Variants in FIBP observed in about 807,000 individuals in gnomAD.
FIBP encodes the protein acidic fibroblast growth factor intracellular-binding protein.
In FIBP, 29 loss-of-function variants were observed where a neutral mutation model predicts 40.5. The ratio of observed to expected loss-of-function variants is 0.72; its 90% CI spans 0.53 to 0.98. FIBP has a LOEUF of 0.98. Among genes scored for constraint, FIBP ranks in the 50% least tolerant of loss-of-function variants. The probability of loss-of-function intolerance (pLI) is 0.00; values close to 1 mark genes in which losing one functional copy is unlikely to be tolerated. For missense variants in FIBP, 411 were observed against 470.2 expected, an observed-to-expected ratio of 0.87 and a Z score of 1.16; for synonymous variants, 215 against 191.1, an observed-to-expected ratio of 1.13 and a Z score of -1.03.
chr11:65,886,545 T>G, intron 3 of FIBP, 123 bp from the exon 4 acceptor site: 1 of 679,234 alleles, frequency 1.5e-6, no homozygotes, highest in South Asian at 1.6e-5. Context: ...CAGATGCTGA[T>G]TTAGCATTTG....
At chr11:65,888,229 G>C in intron 1 of FIBP, 97 bp from the exon 2 acceptor site, 1 of 1,469,204 alleles carries the variant, frequency 6.8e-7, no homozygotes, top group African/African-American at 1.4e-5. Flanking sequence ...TTATTCCCAG[G>C]CGCTCGCCCA....
At chr11:65,885,345 T>G in intron 5 of FIBP, 159 bp from the exon 6 acceptor site, 1 of 900,124 alleles carries the variant, frequency 1.1e-6, no homozygotes, top group Non-Finnish European at 1.8e-6. Flanking sequence ...AGAGAGGCAA[T>G]GGGCCCTTTG....
At position 65,885,562 on chromosome 11, in the gene FIBP, A is replaced by G. The variant is rs770222272; in HGVS notation, c.614T>C (p.Leu205Pro). 5.0e-6 allele frequency: 8 copies of G among 1,614,174 alleles called. No homozygotes were observed. Among genetic ancestry groups the G allele is most frequent in the Non-Finnish European group, 6.8e-6 (8 of 1,180,022 alleles). The change falls in exon 5 of 10, where the codon CTC becomes CCC. Residue 205 changes from leucine to proline, a missense_variant. By Grantham distance (98) the Leu-to-Pro change is moderately conservative. Coordinates refer to ENST00000357519, the MANE Select transcript of FIBP (RefSeq NM_004214.5). ...SFGDFAFCAELMIQNWTLGAV... is the reference protein window; with the variant it reads ...SFGDFAFCAEPMIQNWTLGAV... ...TCCAAGGGTCCAGTTTTGGATCATG[A>G]GCTCAGCGCAGAAGGCAAAGTCACC...
At chr11:65,886,565 C>T (rs1860243718) in intron 3 of FIBP, 143 bp from the exon 4 acceptor site, 2 of 632,954 alleles carry the variant, frequency 3.2e-6, no homozygotes, top group Non-Finnish European at 5.8e-6. Context: ...GTTATTCCTT[C>T]AACCAACTAT....
At position 65,884,458 on chromosome 11, in the gene FIBP, G is replaced by A; in HGVS notation, c.938C>T (p.Pro313Leu). 1 of 1,614,176 alleles carries A rather than the reference G, an allele frequency of 6.2e-7. No homozygotes were observed. The highest frequency in any genetic ancestry group is 2.2e-5 in the East Asian group (1 of 44,888). ...CAGGAAGAACCGCACGTCGCTGAGT[G>A]GCCAGTGGTCGGAGCGGCAGGGTTC... Reference protein sequence around the residue: ...FVEPCRSDHWPLSDVRFFLNQ... With the variant: ...FVEPCRSDHWLLSDVRFFLNQ... The change falls in exon 9 of 10, where the codon CCA (proline) becomes CTA (leucine). Residue 313 changes from proline to leucine, a missense_variant. Physicochemically the swap from Pro to Leu is moderately conservative, Grantham distance 98 (BLOSUM62 -3). Coordinates refer to ENST00000357519, the MANE Select transcript of FIBP (RefSeq NM_004214.5).
Position 65,887,977 on chromosome 11 carries a change from T to C in FIBP, c.241A>G (p.Ile81Val), listed in dbSNP as rs1860285179. ...TGCCGGGAGGGCGGAATCTGGAAGA[T>C]GAGCTGGTGCAGTAGCTTGGGCGGC... Reference protein sequence around the residue: ...HAPPKLLHQLIFQIPPSRQAL... With the variant: ...HAPPKLLHQLVFQIPPSRQAL... Residue 81 changes from isoleucine (I) to valine (V), a missense_variant, in exon 2 of 10, where the codon ATC (isoleucine) becomes GTC (valine). Physicochemically the swap from Ile to Val is conservative, Grantham distance 29. Coordinates refer to ENST00000357519, the MANE Select transcript of FIBP (RefSeq NM_004214.5). 2 of 1,613,516 alleles carry C rather than the reference T, an allele frequency of 1.2e-6. No individual in the cohort carries two copies. Among genetic ancestry groups the C allele is most frequent in the Non-Finnish European group, 1.7e-6 (2 of 1,179,712 alleles).
In FIBP at chr11:65,887,666, GC is replaced by G; in HGVS notation, c.344del (p.Gly115AlafsTer34). On this transcript the variant is annotated frameshift_variant, in exon 3 of 10. Transcript: ENST00000357519. LOFTEE classifies it high-confidence loss of function. ...REVLGKKLSK[G>X]TKKDLDDIST... ...TGATGTCATCCAGGTCTTTCTTGGT[GC>G]CTTTGGACAGCTTCTTGCCCAGCAC... is the stretch of plus-strand genomic sequence containing the variant. The G allele has an allele frequency of 6.2e-7, 1 of 1,614,146 alleles. No homozygotes were observed. Among genetic ancestry groups the G allele is most frequent in the South Asian group, 1.1e-5 (1 of 91,078 alleles).
rs758927856 is a variant in FIBP at position 65,887,628 on chromosome 11, C to T, written c.383G>A (p.Gly128Asp). Residue 128 changes from glycine (G) to aspartate (D), a missense_variant, in exon 3 of 10, where the codon GGC becomes GAC. Transcript: ENST00000357519. ...TCTCCGGCAGCTCTTGAGGGTGATG[C>T]CTGTTTTGGTGCTGATGTCATCCAG... ...KDLDDISTKT[G>D]ITLKSCRRQF... 5.0e-6 allele frequency: 8 copies of T among 1,613,950 alleles called. No homozygotes were observed. The South Asian group carries it at 8.8e-5, about 18-fold the overall frequency.
Position 65,884,986 on chromosome 11 carries a change from A to G in FIBP, c.768T>C (p.Thr256=). The G allele has an allele frequency of 6.2e-7, 1 of 1,614,166 alleles. No homozygotes were observed. The highest frequency in any genetic ancestry group is 8.5e-7 in the Non-Finnish European group (1 of 1,180,028). ...AGACGCCCAGCTTTCCCCGGAGAGC[A>G]GTGCACACCAGGCTGCAGAGAGACA... ...LLDLHKSLVC[T]ALRGKLGVFS... is the part of the protein sequence containing the mutation. The change falls in exon 7 of 10, where the codon ACT becomes ACC. Residue 256 remains threonine (T), a synonymous_variant. Coordinates refer to ENST00000357519, the MANE Select transcript of FIBP (RefSeq NM_004214.5).
intron 5 of FIBP, 50 bp from the exon 6 acceptor site, chr11:65,885,236 G>A (rs771514398): frequency 7.4e-7 from 1 of 1,344,252 alleles, no homozygotes; most frequent in South Asian, 1.2e-5. Context: ...CCCCTCCTGT[G>A]ATAGCCTAAG....
In FIBP at chr11:65,884,548, G is replaced by A. The variant is rs754500024; in HGVS notation, c.906+22C>T. On this transcript the variant is annotated intron_variant, in intron 8 of 9. Transcript: ENST00000357519. ...AGGCCAGGGACAGACCAGGTTGGGT[G>A]TCAGAGAGCACGACAGCTCACCTTC... 3.7e-6 allele frequency: 6 copies of A among 1,614,030 alleles called. No individual in the cohort carries two copies. The South Asian group carries it at 4.4e-5, about 12-fold the overall frequency.
In FIBP at chr11:65,886,428, G is replaced by A; in HGVS notation, c.412-6C>T. ...ACCCGTTTAAAGTTGTCAAACTGCAGGGCAGTTAGGGTAGAAGAGAGGACT... is the reference window on the plus strand; with the variant it reads ...ACCCGTTTAAAGTTGTCAAACTGCAAGGCAGTTAGGGTAGAAGAGAGGACT... On this transcript the variant is annotated splice_polypyrimidine_tract_variant and splice_region_variant and intron_variant, in intron 3 of 9. Coordinates refer to ENST00000357519, the MANE Select transcript of FIBP (RefSeq NM_004214.5). 6.3e-7 allele frequency: 1 copy of A among 1,595,142 alleles called. No homozygotes were observed. Among genetic ancestry groups the A allele is most frequent in the South Asian group, 1.1e-5 (1 of 90,712 alleles).
At chr11:65,884,796 C>A in intron 7 of FIBP, 139 bp downstream of exon 7, 1 of 1,318,674 alleles carries the variant, frequency 7.6e-7, no homozygotes, top group Non-Finnish European at 1.1e-6. Context: ...TGTTTATGAG[C>A]TGCTCCCGTC....
chr11:65,883,893 C>T lies in FIBP; in HGVS notation c.*81G>A, dbSNP rs1236132882. 6 of 1,257,524 alleles carry T rather than the reference C, an allele frequency of 4.8e-6. No homozygotes were observed. The highest frequency in any genetic ancestry group is 4.7e-5 in the East Asian group (2 of 42,200). 77.9% of individuals were successfully genotyped at this position (1,257,524 alleles called of 1,614,324 possible). The stretch of plus-strand genomic sequence containing the variant: ...GACACAGGCACATCTGCACGCCCCC[C>T]ACTTGCTCCCCGGAGCGAGGACCAG... On this transcript the variant is annotated 3_prime_UTR_variant, in exon 10 of 10. Coordinates refer to ENST00000357519, the MANE Select transcript of FIBP (RefSeq NM_004214.5).
In FIBP at chr11:65,888,075, G is replaced by A. The variant is rs775894419; in HGVS notation, c.143C>T (p.Thr48Met). 1.9e-6 allele frequency: 3 copies of A among 1,606,184 alleles called. No homozygotes were observed. The highest frequency in any genetic ancestry group is 2.7e-5 in the African/African-American group (2 of 74,878). Reference protein sequence around the residue: ...RSGILEQTGATAAVLQSDTMD... With the variant: ...RSGILEQTGAMAAVLQSDTMD... ...GGTGTCGCTCTGCAGCACCGCTGCC[G>A]TGGCGCCAGTCTGCTCCAGGATTCC... Residue 48 changes from threonine (T) to methionine (M), a missense_variant, in exon 2 of 10, where the codon ACG (threonine) becomes ATG (methionine). Thr to Met is a moderately conservative substitution (Grantham distance 81, BLOSUM62 -1). Coordinates refer to ENST00000357519, the MANE Select transcript of FIBP (RefSeq NM_004214.5).
At position 65,883,887 on chromosome 11, in the gene FIBP, GC is replaced by G; in HGVS notation, c.*86del. The G allele has an allele frequency of 5.1e-6, 6 of 1,170,030 alleles. No individual in the cohort carries two copies. The highest frequency in any genetic ancestry group is 6.2e-6 in the Non-Finnish European group (5 of 801,610). 72.5% of individuals were successfully genotyped at this position (1,170,030 alleles called of 1,614,324 possible). On this transcript the variant is annotated 3_prime_UTR_variant, in exon 10 of 10. Transcript: ENST00000357519. ...GAGACAGACACAGGCACATCTGCAC[GC>G]CCCCCACTTGCTCCCCGGAGCGAGG...
Position 65,883,770 on chromosome 11 carries a change from G to T in FIBP, c.*204C>A. The T allele has an allele frequency of 3.9e-6, 3 of 770,684 alleles. No homozygotes were observed. Among genetic ancestry groups the T allele is most frequent in the Non-Finnish European group, 6.4e-6 (3 of 468,234 alleles). 47.7% of individuals were successfully genotyped at this position (770,684 alleles called of 1,614,324 possible). A position where few individuals can be genotyped will look rare whatever the true frequency, so the allele number is the denominator to read the frequency against. The stretch of plus-strand genomic sequence containing the variant: ...TGTGAGCAGACTCTTCTGGTGGATG[G>T]GCTGAGCACAGACACCATTCCCTGA... On this transcript the variant is annotated 3_prime_UTR_variant, in exon 10 of 10. Transcript: ENST00000357519.
At position 65,885,115 on chromosome 11, in the gene FIBP, G is replaced by A; in HGVS notation, c.718C>T (p.Leu240=). The A allele has an allele frequency of 1.2e-6, 2 of 1,611,250 alleles. No homozygotes were observed. The highest frequency in any genetic ancestry group is 1.7e-6 in the Non-Finnish European group (2 of 1,179,204). ...TCCAGAAGGTCCTTGTCAGCCACTAGCACCTTGAGCTCCTTCAAGTCCTGG... is the reference window on the plus strand; with the variant it reads ...TCCAGAAGGTCCTTGTCAGCCACTAACACCTTGAGCTCCTTCAAGTCCTGG... The part of the protein sequence containing the change: ...FLQDLKELKV[L]VADKDLLDLH... The change falls in exon 6 of 10, where the codon CTA becomes TTA. Residue 240 remains leucine (L), a synonymous_variant. Coordinates refer to ENST00000357519, the MANE Select transcript of FIBP (RefSeq NM_004214.5).
rs776189316 is a variant in FIBP at position 65,885,671 on chromosome 11, G to C, written c.513-8C>G. On this transcript the variant is annotated splice_region_variant and splice_polypyrimidine_tract_variant and intron_variant, in intron 4 of 9. Transcript: ENST00000357519. ...ACGATGGCTGCATAGTCCCTGCACA[G>C]ACGAGAGGAGGGTCCTCTTAGGGCT... 1 of 1,598,188 alleles carries C rather than the reference G, an allele frequency of 6.3e-7. No individual in the cohort carries two copies. The highest frequency in any genetic ancestry group is 1.1e-5 in the South Asian group (1 of 90,042).
Sources: allele counts gnomAD v4.1 joint callset, GRCh38; gene constraint gnomAD v4.1.1; transcripts MANE v1.5; gene names NCBI Gene and HGNC (gene_info 2026-07-23, HGNC 2026-07-21).